WDR72: variants seen among roughly 807,000 people sequenced by gnomAD.
The protein encoded by WDR72 is WD repeat domain 72.
WDR72 carries 120 observed loss-of-function variants against 124.2 expected under a neutral mutation model. That is an observed-to-expected ratio of 0.97 (90% CI 0.83 to 1.12). WDR72 has a LOEUF of 1.12. Ranked by LOEUF, WDR72 falls within the 50% of genes most tolerant of loss-of-function variation. The pLI, the probability that WDR72 is intolerant of heterozygous loss-of-function variation, is 0.00. For missense variants in WDR72, 1,387 were observed against 1,278.8 expected (o/e 1.08, Z -1.29); for synonymous variants, 452 against 441.7 (o/e 1.02, Z -0.29).
intron 1 of WDR72, among the ~76,000 whole-genome samples, chr15:53,736,151 T>C (rs539438696): frequency 1.3e-5 from 2 of 152,288 alleles, no homozygotes; most frequent in South Asian, 2.1e-4. Flanking sequence ...CCAATATTTA[T>C]CTAATATAAG....
intron 14 of WDR72, among the ~76,000 whole-genome samples, chr15:53,629,009 A>G (rs1017767388): frequency 6.6e-6 from 1 of 152,060 alleles, no homozygotes; most frequent in Non-Finnish European, 1.5e-5. Context: ...TGGCGGGTGG[A>G]CAACCTAGAA....
At chr15:53,667,361 A>T (rs1016897904) in intron 13 of WDR72, among the ~76,000 whole-genome samples, 5 of 152,188 alleles carry the variant, frequency 3.3e-5, no homozygotes, top group Non-Finnish European at 7.3e-5. Flanking sequence ...CTCAAAAAAG[A>T]ATAAACACAA....
intron 14 of WDR72, among the ~76,000 whole-genome samples, chr15:53,636,922 AT>A (rs2014645080): frequency 6.6e-6 from 1 of 152,162 alleles, no homozygotes; most frequent in Admixed American, 6.5e-5. Flanking sequence ...TAATTAAATG[AT>A]TTTTAGTGCA....
intron 14 of WDR72, among the ~76,000 whole-genome samples, chr15:53,635,690 G>C (rs2014596845): frequency 6.6e-6 from 1 of 152,102 alleles, no homozygotes; most frequent in African/African-American, 2.4e-5. Context: ...GGACTACTGG[G>C]GGGGATGGAG....
At chr15:53,652,488 T>C (rs558302003) in intron 14 of WDR72, among the ~76,000 whole-genome samples, 1 of 152,288 alleles carries the variant, frequency 6.6e-6, no homozygotes, top group African/African-American at 2.4e-5. Context: ...TACTAGTCTT[T>C]GCATCTGGGA....
chr15:53,711,202 T>C, intron 8 of WDR72, 134 bp downstream of exon 8: 2 of 1,308,066 alleles, frequency 1.5e-6, no homozygotes, highest in South Asian at 1.2e-5. Context: ...AAGCCCAGAG[T>C]AAATCTTCTA....
intron 13 of WDR72, among the ~76,000 whole-genome samples, chr15:53,691,276 C>T (rs1340103987): frequency 6.6e-6 from 1 of 152,102 alleles, no homozygotes; most frequent in Non-Finnish European, 1.5e-5. Context: ...GTCTCAAACT[C>T]CTGGACTCAA....
intron 13 of WDR72, among the ~76,000 whole-genome samples, chr15:53,687,407 A>T (rs2016675414): frequency 6.6e-6 from 1 of 150,658 alleles, no homozygotes; most frequent in East Asian, 2.0e-4. Flanking sequence ...AGAAATACAA[A>T]CTACCATCAG....
At chr15:53,577,874 G>C (rs909530149) in intron 18 of WDR72, among the ~76,000 whole-genome samples, 4 of 151,876 alleles carry the variant, frequency 2.6e-5, no homozygotes, top group Admixed American at 1.3e-4. Flanking sequence ...ATGATTCTGG[G>C]TAATCACAAT....
In WDR72 at chr15:53,515,950, A is replaced by C. The variant is rs1472460101; in HGVS notation, c.*1749T>G. 2 of 152,122 alleles carry C rather than the reference A, an allele frequency of 1.3e-5. No individual in the cohort carries two copies. The highest frequency in any genetic ancestry group is 2.9e-5 in the Non-Finnish European group (2 of 67,992). 9.4% of individuals were successfully genotyped at this position (152,122 alleles called of 1,614,324 possible). A position where few individuals can be genotyped will look rare whatever the true frequency, so the allele number is the denominator to read the frequency against. ...ATTTGAGAGGACATACACTTATTTG[A>C]TATTGCCATCCTTCAAAATGCTTTT... is the stretch of plus-strand genomic sequence containing the variant. On this transcript the variant is annotated 3_prime_UTR_variant, in exon 20 of 20. Transcript: ENST00000360509.
chr15:53,534,305 A>T (rs1329002219), intron 18 of WDR72, among the ~76,000 whole-genome samples: 1 of 152,068 alleles, frequency 6.6e-6, no homozygotes, highest in East Asian at 1.9e-4. Flanking sequence ...ATATTATGCA[A>T]TATCTCTAGG....
In WDR72 at chr15:53,615,933, T is replaced by C; in HGVS notation, c.2273A>G (p.Lys758Arg). ...AATGCCATCATTTTCTTCTGAGAAT[T>C]TGATGGTATTATCTCCTTGGGCCAG... ...ESLAQGDNTI[K>R]FSEENDGIKR... is the part of the protein sequence containing the mutation. The change falls in exon 15 of 20, where the codon AAA (lysine) becomes AGA (arginine). Residue 758 changes from lysine to arginine, a missense_variant. Physicochemically the swap from Lys to Arg is conservative, Grantham distance 26. Coordinates refer to ENST00000360509, the MANE Select transcript of WDR72 (RefSeq NM_182758.4). The C allele has an allele frequency of 2.5e-6, 4 of 1,613,466 alleles. No homozygotes were observed. The highest frequency in any genetic ancestry group is 3.4e-6 in the Non-Finnish European group (4 of 1,179,662).
chr15:53,643,406 G>A (rs2014924729), intron 14 of WDR72, among the ~76,000 whole-genome samples: 1 of 152,052 alleles, frequency 6.6e-6, no homozygotes, highest in Non-Finnish European at 1.5e-5. Flanking sequence ...ACGCTATGAG[G>A]ATTTTTTTTT....
chr15:53,639,440 T>G (rs1464720320), intron 14 of WDR72, among the ~76,000 whole-genome samples: 1 of 138,964 alleles, frequency 7.2e-6, no homozygotes, highest in Non-Finnish European at 1.6e-5. Flanking sequence ...TAGCAAGACC[T>G]CGTCTCTACA....
chr15:53,702,268 G>C lies in WDR72; in HGVS notation c.1435C>G (p.Gln479Glu). Residue 479 changes from glutamine to glutamate, a missense_variant, in exon 12 of 20, where the codon CAA (glutamine) becomes GAA (glutamate). Transcript: ENST00000360509. ...YPHGLSSKLDQSWMLSGDLDS... is the reference protein window; with the variant it reads ...YPHGLSSKLDESWMLSGDLDS... Reference sequence around the variant, plus strand: ...AGGTCCCCAGACAACATCCAACTTTGGTCTAATTTCGAAGAGAGACCATGT... The same window carrying C: ...AGGTCCCCAGACAACATCCAACTTTCGTCTAATTTCGAAGAGAGACCATGT... 1 of 1,614,028 alleles carries C rather than the reference G, an allele frequency of 6.2e-7. No individual in the cohort carries two copies. The highest frequency in any genetic ancestry group is 8.5e-7 in the Non-Finnish European group (1 of 1,179,992).
chr15:53,706,242 C>G (rs1003141198), intron 9 of WDR72, among the ~76,000 whole-genome samples, 168 bp from the exon 10 acceptor site: 1 of 151,170 alleles, frequency 6.6e-6, no homozygotes, highest in Non-Finnish European at 1.5e-5. Context: ...TGATCTAGGA[C>G]TAAAGAGGCT....
chr15:53,563,348 A>T (rs1184996307), intron 18 of WDR72, among the ~76,000 whole-genome samples: 3 of 151,860 alleles, frequency 2.0e-5, no homozygotes, highest in Non-Finnish European at 4.4e-5. Flanking sequence ...AATTTAAAAG[A>T]AACTAATTTC....
chr15:53,556,331 T>A (rs1893931204), intron 18 of WDR72, among the ~76,000 whole-genome samples: 1 of 152,114 alleles, frequency 6.6e-6, no homozygotes, highest in Admixed American at 6.6e-5. Flanking sequence ...AACTAAAGGT[T>A]TGTGTTCCTT....
At chr15:53,517,862 A>C in intron 19 of WDR72, 108 bp from the exon 20 acceptor site, 1 of 1,018,476 alleles carries the variant, frequency 9.8e-7, no homozygotes, top group African/African-American at 1.6e-5. Flanking sequence ...TAGATACAGA[A>C]AGGAAGAAGG....
Sources: allele counts gnomAD v4.1 joint callset (sites outside exome capture counted in the v4.1 genomes callset), GRCh38; gene constraint gnomAD v4.1.1; transcripts MANE v1.5; gene names NCBI Gene and HGNC (gene_info 2026-07-23, HGNC 2026-07-21).